TUB: variants seen among roughly 807,000 people sequenced by gnomAD.
The protein encoded by TUB is tubby protein homolog.
TUB carries 33 observed loss-of-function variants against 59.7 expected under a neutral mutation model. That is an observed-to-expected ratio of 0.55 (90% confidence interval 0.42 to 0.74). The LOEUF is 0.74. Ranked by LOEUF, TUB falls within the 30% of genes least tolerant of loss-of-function variation. The pLI, the probability that TUB is intolerant of heterozygous loss-of-function variation, is 0.00. For synonymous variants in TUB, 293 were observed against 256.4 expected (o/e 1.14, Z -1.36); for missense variants, 659 against 672.0 (o/e 0.98, Z 0.21).
intron 1 of TUB, among the ~76,000 whole-genome samples, chr11:8,032,159 G>A (rs1484728794): frequency 8.5e-5 from 13 of 152,112 alleles, no homozygotes; most frequent in Admixed American, 2.0e-4. Flanking sequence ...GGCCGGGAGC[G>A]CAGGAGTGAG....
intron 7 of TUB, 128 bp from the exon 8 acceptor site, chr11:8,097,586 C>T: frequency 7.6e-7 from 1 of 1,315,236 alleles, no homozygotes. Flanking sequence ...TTTTCCAGTG[C>T]ATTTGTGTGT....
chr11:8,031,334 G>T (rs1942568051), intron 1 of TUB, among the ~76,000 whole-genome samples: 1 of 152,226 alleles, frequency 6.6e-6, no homozygotes, highest in Admixed American at 6.5e-5. Context: ...TACACTTAAT[G>T]GGGGGCCACA....
chr11:8,071,303 G>A (rs1013243324), intron 2 of TUB, among the ~76,000 whole-genome samples: 3 of 152,102 alleles, frequency 2.0e-5, no homozygotes, highest in African/African-American at 4.8e-5. Context: ...AAGTGGGAGC[G>A]GGAGGTGAGA....
chr11:8,061,218 C>A (rs1388076192), intron 2 of TUB, among the ~76,000 whole-genome samples: 1 of 152,236 alleles, frequency 6.6e-6, no homozygotes, highest in Non-Finnish European at 1.5e-5. Flanking sequence ...GCATCAGCGA[C>A]GATGCCACCT....
chr11:8,039,961 A>T lies in TUB; in HGVS notation c.203+269A>T, dbSNP rs114310275. ...TGACTCTAACCGGGTGATGCTGATG[A>T]GCAGGTCCAGAGGCCTGGGCTCTGT... On this transcript the variant is annotated intron_variant, in intron 2 of 12. Transcript: ENST00000305253. 5.3e-3 allele frequency among the ~76,000 whole-genome samples: 803 copies of T among 152,252 alleles called. 9 individuals are homozygous for T. Among genetic ancestry groups the T allele is most frequent in the African/African-American group, 0.018 (758 of 41,536 alleles).
chr11:8,096,408 G>T (rs1472803951), intron 5 of TUB, among the ~76,000 whole-genome samples: 1 of 152,212 alleles, frequency 6.6e-6, no homozygotes, highest in East Asian at 1.9e-4. Flanking sequence ...GTAATGTAGG[G>T]ACTGAGCTGA....
At chr11:8,084,485 A>G (rs1342154575) in intron 1 of TUB, among the ~76,000 whole-genome samples, 1 of 152,196 alleles carries the variant, frequency 6.6e-6, no homozygotes, top group Non-Finnish European at 1.5e-5. Context: ...ATAAGTTGTA[A>G]GTGGAGCAGT....
chr11:8,100,400 G>A, intron 9 of TUB, 103 bp from the exon 10 acceptor site: 1 of 869,608 alleles, frequency 1.1e-6, no homozygotes, highest in Non-Finnish European at 1.9e-6. Context: ...CTTCGGAGTG[G>A]AGATGGTGGG....
At chr11:8,054,704 G>A (rs1294020773) in intron 2 of TUB, among the ~76,000 whole-genome samples, 1 of 152,334 alleles carries the variant, frequency 6.6e-6, no homozygotes, top group East Asian at 1.9e-4. Context: ...CATGGTCTCT[G>A]CAGCCATGGA....
intron 2 of TUB, among the ~76,000 whole-genome samples, chr11:8,046,276 G>GT (rs1237705355): frequency 6.6e-6 from 1 of 152,136 alleles, no homozygotes; most frequent in African/African-American, 2.4e-5. Context: ...TATTTCACCG[G>GT]TTTTTAAATG....
At chr11:8,056,672 A>G (rs919526658) in intron 2 of TUB, among the ~76,000 whole-genome samples, 1 of 151,998 alleles carries the variant, frequency 6.6e-6, no homozygotes, top group Non-Finnish European at 1.5e-5. Context: ...TGTGTGAGGT[A>G]GAGCTGGAGG....
intron 1 of TUB, among the ~76,000 whole-genome samples, chr11:8,029,331 T>C (rs1465440599): frequency 1.3e-5 from 2 of 152,152 alleles, no homozygotes; most frequent in Non-Finnish European, 2.9e-5. Flanking sequence ...TAACAAAATA[T>C]GTGCTTCTTC....
chr11:8,101,806 A>T lies in TUB; in HGVS notation c.*187A>T. On this transcript the variant is annotated 3_prime_UTR_variant, in exon 12 of 12. Transcript: ENST00000299506. The stretch of plus-strand genomic sequence containing the variant: ...GCCTCTGCTACTGAGGCAGGGGAGT[A>T]GTGGAGAGCGGGTGGGTGGGTGTGA... 1.7e-4 allele frequency: 130 copies of T among 776,946 alleles called. No individual in the cohort carries two copies. The highest frequency in any genetic ancestry group is 9.1e-4 in the Middle Eastern group (2 of 2,194). The allele number at this position is 776,946 out of a possible 1,614,324, so 48.1% of individuals were successfully genotyped here. A position where few individuals can be genotyped will look rare whatever the true frequency, so the allele number is the denominator to read the frequency against.
In TUB at chr11:8,103,038, G is replaced by A. The variant is rs1436871889; in HGVS notation, c.*1419G>A. 6.6e-6 allele frequency: 1 copy of A among 152,270 alleles called. No homozygotes were observed. The highest frequency in any genetic ancestry group is 6.5e-5 in the Admixed American group (1 of 15,286). The allele number at this position is 152,270 out of a possible 1,614,324, so 9.4% of individuals were successfully genotyped here. A position where few individuals can be genotyped will look rare whatever the true frequency, so the allele number is the denominator to read the frequency against. ...GGCAGTTCCCTGTTGAAAGTTGTCT[G>A]GCTTTTTGCACGTGAGTATGATCCA... On this transcript the variant is annotated 3_prime_UTR_variant, in exon 12 of 12. Transcript: ENST00000299506.
chr11:8,054,657 A>G (rs1942988873), intron 2 of TUB, among the ~76,000 whole-genome samples: 1 of 152,212 alleles, frequency 6.6e-6, no homozygotes, highest in Non-Finnish European at 1.5e-5. Context: ...GTATGTGTGT[A>G]TGTGTTCCTC....
chr11:8,079,649 T>TGCATGTGTGTAG (rs1351919229), upstream of TUB, among the ~76,000 whole-genome samples: 11 of 144,740 alleles, frequency 7.6e-5, no homozygotes, highest in African/African-American at 2.7e-4. Flanking sequence ...AGAGAGGCCA[T>TGCATGTGTGTAG]GTGTGTGTGC....
chr11:8,049,586 G>GATATATAT lies in TUB; in HGVS notation c.203+9897_203+9898insTATATATA, dbSNP rs1352319316. Among the ~76,000 whole-genome samples, 25 of 121,106 alleles carry GATATATAT rather than the reference G, an allele frequency of 2.1e-4. 1 individual carries two copies. The South Asian group carries it at 6.2e-3, about 30-fold the overall frequency. 79.5% of individuals were successfully genotyped at this position (121,106 alleles called of 152,430 possible). A position where few individuals can be genotyped will look rare whatever the true frequency, so the allele number is the denominator to read the frequency against. On this transcript the variant is annotated intron_variant, in intron 2 of 12. Transcript: ENST00000305253. The stretch of plus-strand genomic sequence containing the variant: ...GTATATATATATATATATATAGATA[G>GATATATAT]ATAGATAGATAGATAGATACACACA...
intron 2 of TUB, among the ~76,000 whole-genome samples, chr11:8,049,562 T>C (rs189512186): frequency 0.019 from 1,016 of 52,790 alleles, 19 homozygotes; most frequent in African/African-American, 0.087. Flanking sequence ...TATTATGTGG[T>C]ATATATATAT....
At chr11:8,041,816 C>G (rs115469360) in intron 2 of TUB, among the ~76,000 whole-genome samples, 4 of 152,178 alleles carry the variant, frequency 2.6e-5, no homozygotes, top group Non-Finnish European at 5.9e-5. Context: ...CCTGCTTTCT[C>G]TAGTCCTGGT....
Sources: gnomAD v4.1 joint callset for allele counts (sites outside exome capture counted in the v4.1 genomes callset) on GRCh38, gnomAD v4.1.1 for gene constraint, MANE v1.5 for transcripts, NCBI Gene and HGNC (gene_info 2026-07-23, HGNC 2026-07-21) for gene names.